Variants in ABI1 observed in about 807,000 individuals in gnomAD.
ABI1 encodes the protein abl interactor 1.
ABI1 carries 14 observed loss-of-function variants against 54.6 expected under a neutral mutation model. The ratio of observed to expected loss-of-function variants is 0.26; its 90% CI spans 0.17 to 0.40. The LOEUF (loss-of-function observed/expected upper bound fraction) is 0.40, where lower values mean the gene tolerates loss of function less well. ABI1 is among the 10% of genes least tolerant of loss of function. The probability of loss-of-function intolerance (pLI) is 1.00; values close to 1 mark genes in which losing one functional copy is unlikely to be tolerated. For synonymous variants in ABI1, 194 were observed against 209.3 expected (o/e 0.93, Z 0.63); for missense variants, 443 against 598.3 (o/e 0.74, Z 2.71).
chr10:26,758,556 CAG>C (rs1378608544), intron 8 of ABI1, among the ~76,000 whole-genome samples: 1 of 152,122 alleles, frequency 6.6e-6, no homozygotes, highest in Admixed American at 6.5e-5. Context: ...TATTCAAAGA[CAG>C]AGTAATTAAG....
chr10:26,806,358 AAAGT>A (rs1588933863), intron 2 of ABI1, among the ~76,000 whole-genome samples: 2 of 152,344 alleles, frequency 1.3e-5, no homozygotes, highest in East Asian at 3.9e-4. Context: ...TCCTATTGGC[AAAGT>A]AAGTCAAGAA....
At chr10:26,785,485 G>A (rs1842628630) in intron 2 of ABI1, among the ~76,000 whole-genome samples, 1 of 152,268 alleles carries the variant, frequency 6.6e-6, no homozygotes, top group South Asian at 2.1e-4. Context: ...ACTTTGGGAG[G>A]CCGAGTAGGG....
chr10:26,851,359 T>TTTTTTTTTTTTC (rs2050375754), intron 1 of ABI1, among the ~76,000 whole-genome samples: 4 of 137,712 alleles, frequency 2.9e-5, no homozygotes, highest in South Asian at 2.5e-4. Flanking sequence ...TTTTTTTTTT[T>TTTTTTTTTTTTC]TTTTTTTTTT....
Position 26,771,105 on chromosome 10 carries a change from A to G in ABI1, c.463-16T>C. On this transcript the variant is annotated splice_polypyrimidine_tract_variant and intron_variant, in intron 3 of 10. Transcript: ENST00000376140. ...CTTTTAGCCACTTTACGTTGGCAAA[A>G]AAAGGGGGGGAAAAAGTAGACATTA... 3 of 1,613,578 alleles carry G rather than the reference A, an allele frequency of 1.9e-6. No individual in the cohort carries two copies. Among genetic ancestry groups the G allele is most frequent in the Non-Finnish European group, 2.5e-6 (3 of 1,179,646 alleles).
At chr10:26,791,023 A>G (rs1249050231) in intron 2 of ABI1, among the ~76,000 whole-genome samples, 1 of 149,362 alleles carries the variant, frequency 6.7e-6, no homozygotes, top group Non-Finnish European at 1.5e-5. Flanking sequence ...GTGAGCCACA[A>G]TCACACCACT....
At chr10:26,839,666 AC>A (rs1287352950) in intron 1 of ABI1, 404 of 631,934 alleles carry the variant, frequency 6.4e-4, no homozygotes, top group South Asian at 1.3e-3. Context: ...AAAAAAAAAA[AC>A]ATGCCAGGCT....
chr10:26,769,126 T>TA (rs1840342441), intron 5 of ABI1, 134 bp from the exon 6 acceptor site: 2 of 661,154 alleles, frequency 3.0e-6, no homozygotes. Context: ...TTTGTAATTT[T>TA]AAAAAATATT....
At chr10:26,813,791 A>G (rs1230585057) in intron 2 of ABI1, among the ~76,000 whole-genome samples, 3 of 152,204 alleles carry the variant, frequency 2.0e-5, no homozygotes, top group Non-Finnish European at 2.9e-5. Context: ...TTTGTTTTGG[A>G]TAACAGTTTT....
intron 1 of ABI1, among the ~76,000 whole-genome samples, chr10:26,846,635 G>A (rs546275604): frequency 5.3e-5 from 8 of 151,940 alleles, no homozygotes; most frequent in African/African-American, 1.9e-4. Context: ...GAGCCACTGC[G>A]CCCAGCCTTG....
chr10:26,803,654 T>C (rs571351976), intron 2 of ABI1, among the ~76,000 whole-genome samples: 8 of 152,348 alleles, frequency 5.3e-5, no homozygotes, highest in African/African-American at 9.6e-5. Context: ...TAATTGATAA[T>C]TGAAATTTTA....
At chr10:26,818,773 C>T (rs11015313) in intron 2 of ABI1, among the ~76,000 whole-genome samples, 22,423 of 151,628 alleles carry the variant, frequency 0.15, 2,162 homozygotes, top group African/African-American at 0.28. Flanking sequence ...GGGTGGATCA[C>T]GAGGTCAGGG....
intron 2 of ABI1, among the ~76,000 whole-genome samples, chr10:26,805,557 A>T (rs1009440531): frequency 4.6e-5 from 7 of 152,184 alleles, no homozygotes; most frequent in Non-Finnish European, 1.0e-4. Flanking sequence ...TGCTTCCTTA[A>T]CCCCACAAAT....
chr10:26,848,605 C>CTTTTT (rs35694402), intron 1 of ABI1, among the ~76,000 whole-genome samples: 19 of 107,380 alleles, frequency 1.8e-4, no homozygotes, highest in Admixed American at 2.1e-4. Flanking sequence ...TAAGAAGAGG[C>CTTTTT]TTTTTTTTTT....
chr10:26,860,759 G>C lies in ABI1; in HGVS notation c.105C>G (p.Asn35Lys). The change falls in exon 1 of 11, where the codon AAC becomes AAG. Residue 35 changes from asparagine to lysine, a missense_variant. Asn to Lys is a moderately conservative substitution (Grantham distance 94). Around this residue, in one of 2 missense-constraint regions of ABI1, gnomAD observed 394 missense variants for 484.8 expected, o/e 0.81. Transcript: ENST00000376140. The surrounding 1 kb of genome is among the most constrained non-coding windows in gnomAD (Gnocchi z 4.1). ...CAGAGCGCCTCACCTGTATGTAGTTGTTTTCACAGTAGTCTGCCACCCGAG... is the reference window on the plus strand; with the variant it reads ...CAGAGCGCCTCACCTGTATGTAGTTCTTTTCACAGTAGTCTGCCACCCGAG... ...NLTRVADYCE[N>K]NYIQATDKRK... 4 of 1,613,946 alleles carry C rather than the reference G, an allele frequency of 2.5e-6. No individual in the cohort carries two copies. Among genetic ancestry groups the C allele is most frequent in the Non-Finnish European group, 3.4e-6 (4 of 1,179,872 alleles).
chr10:26,823,426 T>A, intron 1 of ABI1, 121 bp from the exon 2 acceptor site: 1 of 815,696 alleles, frequency 1.2e-6, no homozygotes, highest in Non-Finnish European at 1.7e-6. Flanking sequence ...AAACTCACTG[T>A]ACCAATATGA....
intron 3 of ABI1, among the ~76,000 whole-genome samples, chr10:26,775,905 T>C (rs985817062): frequency 3.3e-5 from 5 of 152,188 alleles, no homozygotes; most frequent in African/African-American, 4.8e-5. Flanking sequence ...TATACATACA[T>C]GCATGCATGA....
rs373585984 is a variant in ABI1 at position 26,860,867 on chromosome 10, C to T, written c.-4G>A. 3.7e-6 allele frequency: 6 copies of T among 1,613,022 alleles called. No individual in the cohort carries two copies. Among genetic ancestry groups the T allele is most frequent in the Admixed American group, 1.7e-5 (1 of 59,998 alleles). Reference sequence around the variant, plus strand: ...GTAACATCTGCAGCTCTGCCATTTTCCACCCCTCTGCATCGCTTCCTCTCG... The same window carrying T: ...GTAACATCTGCAGCTCTGCCATTTTTCACCCCTCTGCATCGCTTCCTCTCG... On this transcript the variant is annotated 5_prime_UTR_variant, in exon 1 of 11. Transcript: ENST00000376140. This position sits in a 1 kb window ranked among gnomAD's most constrained non-coding sequence, Gnocchi z 4.1.
intron 1 of ABI1, among the ~76,000 whole-genome samples, chr10:26,857,848 CAAAA>C (rs1168285053): frequency 2.0e-5 from 2 of 100,204 alleles, no homozygotes; most frequent in African/African-American, 4.4e-5. Flanking sequence ...AAGTCTGTCT[CAAAA>C]AAAAAAAAAA....
At chr10:26,827,603 T>TG (rs998492885) in intron 1 of ABI1, among the ~76,000 whole-genome samples, 3 of 150,280 alleles carry the variant, frequency 2.0e-5, no homozygotes, top group African/African-American at 7.3e-5. Flanking sequence ...TTTGTTTTTT[T>TG]TTTTTTTGAG....
Sources: allele counts gnomAD v4.1 joint callset (sites outside exome capture counted in the v4.1 genomes callset), GRCh38; gene constraint gnomAD v4.1.1; regional missense constraint gnomAD v4.1.1; non-coding constraint Gnocchi (gnomAD v3.1); transcripts MANE v1.5; gene names NCBI Gene and HGNC (gene_info 2026-07-23, HGNC 2026-07-21).